EIF4G3: variants seen among roughly 807,000 people sequenced by gnomAD.
The protein encoded by EIF4G3 is eIF-4-gamma 3.
Under a neutral mutation model 186.4 loss-of-function variants are expected in EIF4G3, and 34 were observed. The observed-to-expected ratio is 0.18, with a 90% CI of 0.14 to 0.24. EIF4G3 has a LOEUF of 0.24. Ranked by LOEUF, EIF4G3 falls within the 10% of genes least tolerant of loss-of-function variation. EIF4G3 has a pLI of 1.00. For synonymous variants in EIF4G3, 673 were observed against 679.5 expected (o/e 0.99, Z 0.15); for missense variants, 1,536 against 1,948.5 (o/e 0.79, Z 3.99).
intron 23 of EIF4G3, 135 bp from the exon 24 acceptor site, chr1:20,860,652 T>G: frequency 1.0e-6 from 1 of 982,794 alleles, no homozygotes; most frequent in Non-Finnish European, 1.5e-6. Flanking sequence ...TCATGTATCT[T>G]ATAGATGACA....
intron 2 of EIF4G3, among the ~76,000 whole-genome samples, chr1:21,133,881 G>C (rs1197080618): frequency 2.0e-5 from 3 of 152,128 alleles, no homozygotes; most frequent in Admixed American, 1.3e-4. Context: ...CTCATTTATA[G>C]ATAAATAAGT....
intron 29 of EIF4G3, among the ~76,000 whole-genome samples, chr1:20,846,687 C>G: frequency 6.6e-6 from 1 of 152,058 alleles, no homozygotes; most frequent in Non-Finnish European, 1.5e-5. Context: ...CAGTCATAAC[C>G]CCTAAAATGT....
chr1:21,098,552 AAAAAAAAAAAAG>A (rs2096439427), intron 2 of EIF4G3, among the ~76,000 whole-genome samples: 2 of 148,816 alleles, frequency 1.3e-5, no homozygotes, highest in Non-Finnish European at 3.0e-5. Flanking sequence ...AAAAAAAAAA[AAAAAAAAAAAAG>A]AAGAAGAAGA....
At chr1:21,023,567 G>C (rs1441934054) in intron 4 of EIF4G3, among the ~76,000 whole-genome samples, 2 of 152,044 alleles carry the variant, frequency 1.3e-5, no homozygotes, top group Non-Finnish European at 2.9e-5. Context: ...GTGCTCAATG[G>C]TGCCCAGGCT....
Position 20,942,211 on chromosome 1 carries a change from T to C in EIF4G3, c.943A>G (p.Ile315Val), listed in dbSNP as rs371607010. 9 of 1,614,100 alleles carry C rather than the reference T, an allele frequency of 5.6e-6. No individual in the cohort carries two copies. The African/African-American group carries it at 8.0e-5, about 14-fold the overall frequency. ...QTSETTAIVSIAELPLPPSPT... is the reference protein window; with the variant it reads ...QTSETTAIVSVAELPLPPSPT... ...GATGGAGGCAGAGGAAGCTCTGCTA[T>C]GGATACTATTGCAGTAGTTTCAGAT... Residue 315 changes from isoleucine (I) to valine (V), a missense_variant, in exon 14 of 37, where the codon ATA becomes GTA. By Grantham distance (29) the Ile-to-Val change is conservative. Transcript: ENST00000602326.
At chr1:20,866,365 A>G (rs745510437) in intron 20 of EIF4G3, among the ~76,000 whole-genome samples, 2 of 152,206 alleles carry the variant, frequency 1.3e-5, no homozygotes, top group Non-Finnish European at 2.9e-5. Flanking sequence ...TGTATGAAAG[A>G]TCATTTAACA....
chr1:20,814,128 A>G (rs935338829), intron 34 of EIF4G3, among the ~76,000 whole-genome samples: 1 of 151,494 alleles, frequency 6.6e-6, no homozygotes, highest in Non-Finnish European at 1.5e-5. Context: ...GGGACTACTC[A>G]GCTAATTTTT....
chr1:21,032,706 TA>T (rs2092843690), intron 4 of EIF4G3, among the ~76,000 whole-genome samples: 1 of 152,104 alleles, frequency 6.6e-6, no homozygotes, highest in African/African-American at 2.4e-5. Context: ...CAAAAAGCAA[TA>T]CCAATGGATC....
intron 4 of EIF4G3, among the ~76,000 whole-genome samples, chr1:21,017,164 C>A (rs963345822): frequency 2.0e-5 from 3 of 152,156 alleles, no homozygotes; most frequent in African/African-American, 4.8e-5. Context: ...CACATTACAA[C>A]ATGGATGAGC....
intron 19 of EIF4G3, among the ~76,000 whole-genome samples, chr1:20,880,717 C>T (rs1167514551): frequency 6.6e-6 from 1 of 152,138 alleles, no homozygotes; most frequent in East Asian, 1.9e-4. Context: ...CACCACTGCA[C>T]TGCAGCTTGC....
At chr1:21,038,455 C>T (rs982802519) in intron 4 of EIF4G3, among the ~76,000 whole-genome samples, 4 of 152,210 alleles carry the variant, frequency 2.6e-5, no homozygotes, top group Non-Finnish European at 5.9e-5. Flanking sequence ...CCACGATTAT[C>T]TCTACTAATT....
At chr1:21,074,788 A>C (rs2095536845) in intron 3 of EIF4G3, among the ~76,000 whole-genome samples, 1 of 152,226 alleles carries the variant, frequency 6.6e-6, no homozygotes, top group African/African-American at 2.4e-5. Flanking sequence ...AAAGAAAACT[A>C]ATCCAGGTAC....
intron 15 of EIF4G3, among the ~76,000 whole-genome samples, chr1:20,901,049 ACT>A (rs374862266): frequency 2.2e-4 from 33 of 152,132 alleles, no homozygotes; most frequent in African/African-American, 7.7e-4. Flanking sequence ...TGGTTTTTAG[ACT>A]CTGTTTCTAA....
At chr1:21,066,942 G>A (rs2095264229) in intron 3 of EIF4G3, among the ~76,000 whole-genome samples, 1 of 152,046 alleles carries the variant, frequency 6.6e-6, no homozygotes, top group African/African-American at 2.4e-5. Flanking sequence ...ACAGTTCAAA[G>A]AAACACATTT....
chr1:20,840,628 A>G (rs1340242046), intron 30 of EIF4G3, among the ~76,000 whole-genome samples: 1 of 152,206 alleles, frequency 6.6e-6, no homozygotes, highest in Admixed American at 6.5e-5. Context: ...AGATCTAACA[A>G]TAATATTCAG....
At chr1:20,863,537 C>T (rs376177569) in intron 22 of EIF4G3, among the ~76,000 whole-genome samples, 2 of 150,494 alleles carry the variant, frequency 1.3e-5, no homozygotes, top group African/African-American at 4.9e-5. Flanking sequence ...CTCTGCCTCC[C>T]GGGTTCAAGC....
chr1:20,880,001 A>C (rs2081884781), intron 19 of EIF4G3, among the ~76,000 whole-genome samples: 1 of 152,032 alleles, frequency 6.6e-6, no homozygotes, highest in Admixed American at 6.5e-5. Flanking sequence ...GGAGTCTTTT[A>C]AAATAATGTT....
At chr1:21,036,230 C>T (rs774242865) in intron 4 of EIF4G3, among the ~76,000 whole-genome samples, 8 of 151,736 alleles carry the variant, frequency 5.3e-5, no homozygotes, top group African/African-American at 1.9e-4. Flanking sequence ...TCCTCTCTGC[C>T]GAGAGTCGAA....
intron 14 of EIF4G3, among the ~76,000 whole-genome samples, chr1:20,930,461 T>A (rs2095255246): frequency 1.3e-5 from 2 of 152,352 alleles, no homozygotes; most frequent in South Asian, 4.1e-4. Context: ...AGATTCCAAC[T>A]CAAGAAACCA....
Sources: gnomAD v4.1 joint callset for allele counts (sites outside exome capture counted in the v4.1 genomes callset) on GRCh38, gnomAD v4.1.1 for gene constraint, MANE v1.5 for transcripts, NCBI Gene and HGNC (gene_info 2026-07-23, HGNC 2026-07-21) for gene names.